CTIF: variants seen among roughly 807,000 people sequenced by gnomAD.
CTIF encodes CBP80/20-dependent translation initiation factor.
Under a neutral mutation model 66.0 loss-of-function variants are expected in CTIF, and 21 were observed. The observed-to-expected ratio is 0.32, with a 90% confidence interval of 0.23 to 0.46. The LOEUF (loss-of-function observed/expected upper bound fraction) is 0.46, where lower values mean the gene tolerates loss of function less well. Ranked by LOEUF, CTIF falls within the 20% of genes least tolerant of loss-of-function variation. CTIF has a pLI of 1.00. For missense variants in CTIF, 739 were observed against 812.7 expected (o/e 0.91, Z 1.10); for synonymous variants, 345 against 326.4 (o/e 1.06, Z -0.62).
At chr18:48,754,952 C>T (rs988689296) in intron 7 of CTIF, among the ~76,000 whole-genome samples, 9 of 152,202 alleles carry the variant, frequency 5.9e-5, no homozygotes, top group African/African-American at 2.2e-4. Flanking sequence ...ACTTCCTTCC[C>T]CCTCCAGGTA....
intron 1 of CTIF, among the ~76,000 whole-genome samples, chr18:48,560,736 A>C (rs965245187): frequency 6.6e-6 from 1 of 151,500 alleles, no homozygotes; most frequent in African/African-American, 2.4e-5. Flanking sequence ...GTACCCCACA[A>C]AATTTGTTGT....
intron 9 of CTIF, among the ~76,000 whole-genome samples, chr18:48,780,374 A>T (rs562935871): frequency 2.0e-5 from 3 of 152,198 alleles, no homozygotes; most frequent in Admixed American, 2.0e-4. Flanking sequence ...CTGTGCTGCT[A>T]TGCCTTTCAA....
intron 6 of CTIF, chr18:48,673,629 A>T (rs913198294): frequency 3.9e-5 from 6 of 152,050 alleles, no homozygotes; most frequent in African/African-American, 1.2e-4. Context: ...GTCCAGGTGG[A>T]TTGCGTTCTG....
At chr18:48,739,844 G>A (rs987675869) in intron 7 of CTIF, among the ~76,000 whole-genome samples, 5 of 152,130 alleles carry the variant, frequency 3.3e-5, no homozygotes, top group African/African-American at 4.8e-5. Flanking sequence ...TTTACCCGTC[G>A]GCTCCTCTCC....
intron 9 of CTIF, among the ~76,000 whole-genome samples, chr18:48,795,224 G>GCCT (rs1373518644): frequency 2.0e-4 from 30 of 152,260 alleles, no homozygotes; most frequent in African/African-American, 6.7e-4. Context: ...GCTCATCAGA[G>GCCT]CATGGAGGCT....
At chr18:48,770,641 G>T (rs1349244641) in intron 9 of CTIF, among the ~76,000 whole-genome samples, 2 of 152,256 alleles carry the variant, frequency 1.3e-5, no homozygotes, top group Non-Finnish European at 2.9e-5. Flanking sequence ...TGTGGGTCGT[G>T]CCCCCGAATC....
chr18:48,741,299 T>G (rs2092552139), intron 7 of CTIF, among the ~76,000 whole-genome samples: 2 of 143,958 alleles, frequency 1.4e-5, no homozygotes, highest in East Asian at 2.1e-4. Context: ...CCTTGGTACA[T>G]GTTGCCAGGC....
At chr18:48,750,577 A>AAAGGGCTGTTCCCAGCACAGATGGAAACC (rs1568186998) in intron 7 of CTIF, among the ~76,000 whole-genome samples, 1 of 152,216 alleles carries the variant, frequency 6.6e-6, no homozygotes, top group Non-Finnish European at 1.5e-5. Context: ...CTGTGGTGGG[A>AAAGGGCTGTTCCCAGCACAGATGGAAACC]AAGGGCTGTT....
At chr18:48,592,571 G>A (rs938504367) in intron 1 of CTIF, among the ~76,000 whole-genome samples, 13 of 152,166 alleles carry the variant, frequency 8.5e-5, no homozygotes, top group African/African-American at 2.9e-4. Flanking sequence ...GGCAAGGAGT[G>A]GATGCTGGGG....
intron 1 of CTIF, among the ~76,000 whole-genome samples, chr18:48,551,875 G>A (rs2088891644): frequency 6.6e-6 from 1 of 151,902 alleles, no homozygotes; most frequent in South Asian, 2.1e-4. Context: ...TCGGCTCACT[G>A]CAAGCTCCGC....
rs2069512330 is a variant in CTIF at position 48,863,006 on chromosome 18, A to G, written c.*3447A>G. 1 of 152,232 alleles carries G rather than the reference A, an allele frequency of 6.6e-6. No individual in the cohort carries two copies. Among genetic ancestry groups the G allele is most frequent in the Non-Finnish European group, 1.5e-5 (1 of 68,080 alleles). The allele number at this position is 152,232 out of a possible 1,614,324, so 9.4% of individuals were successfully genotyped here. On this transcript the variant is annotated 3_prime_UTR_variant, in exon 12 of 12. Transcript: ENST00000256413. ...AAGACAACTTTCCTCTGCGCGGAAC[A>G]CTCACACGGAAGGGCTGGCCGCCTC...
At chr18:48,551,695 C>T (rs2088884717) in intron 1 of CTIF, among the ~76,000 whole-genome samples, 1 of 152,200 alleles carries the variant, frequency 6.6e-6, no homozygotes, top group South Asian at 2.1e-4. Context: ...TGGACTCTGG[C>T]CTGCAAGCTG....
chr18:48,808,614 A>T (rs2068199743), intron 9 of CTIF, among the ~76,000 whole-genome samples: 1 of 150,286 alleles, frequency 6.7e-6, no homozygotes. Context: ...TCCTCCTGAT[A>T]CTTAGACAGC....
intron 8 of CTIF, 91 bp downstream of exon 8, chr18:48,758,496 G>A (rs935381662): frequency 1.4e-6 from 2 of 1,468,044 alleles, no homozygotes; most frequent in Non-Finnish European, 1.8e-6. Flanking sequence ...GCAGAGCCTT[G>A]TGGGTTTGAG....
At chr18:48,785,396 G>A in intron 9 of CTIF, among the ~76,000 whole-genome samples, 1 of 152,202 alleles carries the variant, frequency 6.6e-6, no homozygotes, top group East Asian at 1.9e-4. Context: ...TGTGTCATGA[G>A]GCTCCCACCA....
At chr18:48,743,125 T>C (rs1294860978) in intron 7 of CTIF, among the ~76,000 whole-genome samples, 1 of 152,240 alleles carries the variant, frequency 6.6e-6, no homozygotes, top group Non-Finnish European at 1.5e-5. Context: ...ATTCTGCACA[T>C]ATGCCTCAGG....
chr18:48,582,488 C>A (rs934884272), intron 1 of CTIF, among the ~76,000 whole-genome samples: 17 of 152,258 alleles, frequency 1.1e-4, no homozygotes, highest in South Asian at 6.2e-4. Context: ...TTGTTGCCTG[C>A]ATAGGACCAC....
intron 1 of CTIF, among the ~76,000 whole-genome samples, chr18:48,575,793 C>T (rs1469727986): frequency 6.6e-6 from 1 of 152,248 alleles, no homozygotes; most frequent in African/African-American, 2.4e-5. Context: ...AACCCCAAGC[C>T]CTAGTTATCC....
rs533259727 is a variant in CTIF at position 48,673,336 on chromosome 18, G to A, written c.507+2592G>A. Among the ~76,000 whole-genome samples the A allele has an allele frequency of 1.6e-4, 24 of 152,074 alleles. No homozygotes were observed. The East Asian group carries it at 1.9e-3, about 12-fold the overall frequency. ...TTTGTGTCTGTCTTGACACTCAGTC[G>A]TCCCTCTGTCTCTGAGTTTCTCCCA... On this transcript the variant is annotated intron_variant, in intron 6 of 11. Transcript: ENST00000256413.
Sources: gnomAD v4.1 joint callset for allele counts (sites outside exome capture counted in the v4.1 genomes callset) on GRCh38, gnomAD v4.1.1 for gene constraint, MANE v1.5 for transcripts, NCBI Gene and HGNC (gene_info 2026-07-23, HGNC 2026-07-21) for gene names.